SPOCK1: variants seen among roughly 807,000 people sequenced by gnomAD.
SPOCK1 encodes the protein SPARC (osteonectin), cwcv and kazal like domains proteoglycan 1, also known as testican-1.
Under a neutral mutation model 55.3 loss-of-function variants are expected in SPOCK1, and 23 were observed. That is an observed-to-expected ratio of 0.42 (90% CI 0.30 to 0.59). SPOCK1 has a LOEUF of 0.59. SPOCK1 is among the 20% of genes least tolerant of loss of function. The pLI is 0.22. For synonymous variants in SPOCK1, 226 were observed against 221.0 expected (o/e 1.02, Z -0.20); for missense variants, 499 against 552.5 (o/e 0.90, Z 0.97).
intron 2 of SPOCK1, among the ~76,000 whole-genome samples, chr5:137,488,992 T>C (rs1394814790): frequency 1.3e-5 from 2 of 152,196 alleles, no homozygotes; most frequent in Non-Finnish European, 2.9e-5. Context: ...CATAAAACCA[T>C]GAGAAAAGCT....
intron 2 of SPOCK1, among the ~76,000 whole-genome samples, chr5:137,474,109 C>T (rs750567963): frequency 1.8e-4 from 27 of 151,776 alleles, no homozygotes; most frequent in Non-Finnish European, 3.2e-4. Flanking sequence ...GGGAGGGGAG[C>T]GAGGGATAAA....
At chr5:137,383,443 C>T (rs774372348) in intron 2 of SPOCK1, among the ~76,000 whole-genome samples, 1 of 152,080 alleles carries the variant, frequency 6.6e-6, no homozygotes, top group Non-Finnish European at 1.5e-5. Context: ...CCCATGAAGA[C>T]GGGATGGAAA....
intron 2 of SPOCK1, among the ~76,000 whole-genome samples, chr5:137,324,714 T>A (rs1478851209): frequency 6.6e-6 from 1 of 152,032 alleles, no homozygotes; most frequent in Non-Finnish European, 1.5e-5. Flanking sequence ...AATATGCATA[T>A]AATAACACTG....
At chr5:137,233,397 C>CA (rs1303970979) in intron 3 of SPOCK1, among the ~76,000 whole-genome samples, 1 of 152,188 alleles carries the variant, frequency 6.6e-6, no homozygotes, top group East Asian at 1.9e-4. Flanking sequence ...GTGCAGTTCA[C>CA]AACAGGGTTC....
intron 2 of SPOCK1, among the ~76,000 whole-genome samples, chr5:137,489,673 C>A (rs961157607): frequency 2.0e-5 from 3 of 152,196 alleles, no homozygotes; most frequent in African/African-American, 4.8e-5. Context: ...ATTCCCCTGC[C>A]CCCAAATGTG....
chr5:137,123,563 A>G (rs1031213651), intron 4 of SPOCK1, among the ~76,000 whole-genome samples: 7 of 152,164 alleles, frequency 4.6e-5, no homozygotes, highest in Non-Finnish European at 7.3e-5. Flanking sequence ...ATGTGTCCCA[A>G]TGCTATTCCA....
intron 3 of SPOCK1, among the ~76,000 whole-genome samples, chr5:137,199,905 A>T (rs546891192): frequency 6.6e-6 from 1 of 152,278 alleles, no homozygotes; most frequent in South Asian, 2.1e-4. Flanking sequence ...CCTGAAAATC[A>T]GCACTTCCTG....
intron 3 of SPOCK1, among the ~76,000 whole-genome samples, chr5:137,176,342 G>A (rs1043283913): frequency 6.6e-6 from 1 of 152,142 alleles, no homozygotes; most frequent in Admixed American, 6.6e-5. Flanking sequence ...CAATAGCAAG[G>A]GGGTGGTGCC....
chr5:137,169,788 G>A (rs1312011607), intron 3 of SPOCK1, among the ~76,000 whole-genome samples: 1 of 152,168 alleles, frequency 6.6e-6, no homozygotes, highest in Non-Finnish European at 1.5e-5. Context: ...CTGAGGTTCA[G>A]AGTTTTGACC....
At chr5:137,490,130 G>T (rs1754143662) in intron 2 of SPOCK1, among the ~76,000 whole-genome samples, 1 of 152,206 alleles carries the variant, frequency 6.6e-6, no homozygotes, top group Non-Finnish European at 1.5e-5. Flanking sequence ...GAACATTTGT[G>T]TGACAACACA....
chr5:137,338,071 G>A (rs957604565), intron 2 of SPOCK1, among the ~76,000 whole-genome samples: 14 of 151,916 alleles, frequency 9.2e-5, no homozygotes, highest in South Asian at 4.2e-4. Context: ...TGTGCACAAC[G>A]TGCAGGTTAC....
intron 5 of SPOCK1, among the ~76,000 whole-genome samples, chr5:137,074,761 G>A (rs770508466): frequency 8.6e-5 from 13 of 152,004 alleles, no homozygotes; most frequent in Non-Finnish European, 1.8e-4. Context: ...CTGGAGTGCA[G>A]TGGCGCAAAC....
intron 2 of SPOCK1, among the ~76,000 whole-genome samples, chr5:137,340,608 C>T (rs1381479734): frequency 3.9e-5 from 6 of 152,132 alleles, no homozygotes; most frequent in African/African-American, 9.7e-5. Flanking sequence ...AAGCTAGGCA[C>T]GGTGGCTCAC....
intron 2 of SPOCK1, among the ~76,000 whole-genome samples, chr5:137,308,028 G>C (rs1757729115): frequency 6.6e-6 from 1 of 152,232 alleles, no homozygotes; most frequent in Non-Finnish European, 1.5e-5. Flanking sequence ...ACAAAGGGCT[G>C]AGCACAGTGC....
intron 3 of SPOCK1, among the ~76,000 whole-genome samples, chr5:137,264,314 G>A (rs1322402951): frequency 6.6e-6 from 1 of 152,158 alleles, no homozygotes; most frequent in Non-Finnish European, 1.5e-5. Context: ...CCTGCTCAAA[G>A]ACTTTCTATG....
chr5:136,991,294 A>T (rs968538597), intron 7 of SPOCK1, among the ~76,000 whole-genome samples: 2 of 151,982 alleles, frequency 1.3e-5, no homozygotes, highest in African/African-American at 4.8e-5. Context: ...CCAACCACCA[A>T]GAACCCCACC....
chr5:137,356,615 A>C (rs2127163523), intron 2 of SPOCK1, among the ~76,000 whole-genome samples: 1 of 150,220 alleles, frequency 6.7e-6, no homozygotes, highest in African/African-American at 2.5e-5. Flanking sequence ...ACATGGCAAA[A>C]CCCCTGTCTC....
chr5:137,036,128 T>C (rs1751879842), intron 6 of SPOCK1, among the ~76,000 whole-genome samples: 1 of 152,128 alleles, frequency 6.6e-6, no homozygotes, highest in South Asian at 2.1e-4. Context: ...GGATGGTGGG[T>C]TAAAGGGTAG....
intron 6 of SPOCK1, among the ~76,000 whole-genome samples, chr5:137,004,626 A>C (rs937671845): frequency 6.6e-6 from 1 of 152,172 alleles, no homozygotes; most frequent in Admixed American, 6.5e-5. Flanking sequence ...GTATCTAACA[A>C]CACAGCATGA....
Sources: allele counts gnomAD v4.1 joint callset (sites outside exome capture counted in the v4.1 genomes callset), GRCh38; gene constraint gnomAD v4.1.1; transcripts MANE v1.5; gene names NCBI Gene and HGNC (gene_info 2026-07-23, HGNC 2026-07-21).